The following BMAL2 variants were observed in gnomAD, a reference collection of about 807,000 sequenced individuals.
BMAL2 encodes the protein basic helix-loop-helix ARNT like 2.
chr12:27,398,797 C>T, the BMAL2 span, among the ~76,000 whole-genome samples: 53 of 152,302 alleles, frequency 3.5e-4, no homozygotes, highest in African/African-American at 1.2e-3. Context: ...TCTATATTTT[C>T]AGTAGAGTGG....
chr12:27,368,313 G>T, the BMAL2 span: 1 of 1,614,082 alleles, frequency 6.2e-7, no homozygotes, highest in Non-Finnish European at 8.5e-7. Context: ...GTTTCCAGCC[G>T]CGTGAGTCCA....
At chr12:27,350,586 G>A in the BMAL2 span, among the ~76,000 whole-genome samples, 2 of 152,224 alleles carry the variant, frequency 1.3e-5, no homozygotes, top group Admixed American at 6.5e-5. Context: ...AACAAGAAGG[G>A]CTGTGTACAT....
At chr12:27,359,518 A>T in the BMAL2 span, among the ~76,000 whole-genome samples, 18 of 151,692 alleles carry the variant, frequency 1.2e-4, no homozygotes, top group Non-Finnish European at 1.8e-4. Flanking sequence ...CCTTACAGAA[A>T]TTTTTTTTAA....
At chr12:27,417,170 C>G in the BMAL2 span, among the ~76,000 whole-genome samples, 1 of 152,144 alleles carries the variant, frequency 6.6e-6, no homozygotes. Context: ...AGTATGTCAA[C>G]TTGAGACAAT....
chr12:27,373,396 C>A, the BMAL2 span, among the ~76,000 whole-genome samples: 1 of 152,116 alleles, frequency 6.6e-6, no homozygotes, highest in Non-Finnish European at 1.5e-5. Flanking sequence ...AACCTTCAAA[C>A]AGGAAGTTGG....
At chr12:27,337,393 C>T in the BMAL2 span, among the ~76,000 whole-genome samples, 1 of 150,708 alleles carries the variant, frequency 6.6e-6, no homozygotes, top group South Asian at 2.1e-4. Context: ...GAATCATCTA[C>T]TACCCTTCTT....
the BMAL2 span, chr12:27,424,437 T>C: frequency 6.6e-6 from 1 of 152,198 alleles, no homozygotes; most frequent in African/African-American, 2.4e-5. Context: ...AATTTAGAAA[T>C]CTATTGTGAA....
the BMAL2 span, among the ~76,000 whole-genome samples, chr12:27,352,218 C>T: frequency 6.6e-6 from 1 of 152,182 alleles, no homozygotes; most frequent in Non-Finnish European, 1.5e-5. Flanking sequence ...CATAATTTTT[C>T]AGATTGCCTT....
chr12:27,383,165 G>C, the BMAL2 span, among the ~76,000 whole-genome samples: 1 of 152,124 alleles, frequency 6.6e-6, no homozygotes, highest in Non-Finnish European at 1.5e-5. Flanking sequence ...TCCCTTTATA[G>C]CTATGTGACT....
chr12:27,413,325 A>T, the BMAL2 span, among the ~76,000 whole-genome samples: 1 of 152,218 alleles, frequency 6.6e-6, no homozygotes, highest in African/African-American at 2.4e-5. Flanking sequence ...AGCTACAATA[A>T]TTTGTTAATG....
the BMAL2 span, among the ~76,000 whole-genome samples, chr12:27,342,619 C>G: frequency 1.3e-5 from 2 of 152,162 alleles, no homozygotes; most frequent in African/African-American, 4.8e-5. Context: ...ACACAGTTTC[C>G]AGCTCTATCT....
the BMAL2 span, among the ~76,000 whole-genome samples, chr12:27,348,099 T>G: frequency 1.2e-4 from 18 of 152,262 alleles, no homozygotes; most frequent in South Asian, 3.7e-3. Flanking sequence ...TTTACCCCAA[T>G]CCAGATTAGT....
At chr12:27,368,134 C>T in the BMAL2 span, 1 of 1,128,066 alleles carries the variant, frequency 8.9e-7, no homozygotes, top group Non-Finnish European at 1.2e-6. Context: ...TGAGCCACAG[C>T]GCCTGGCCTT....
the BMAL2 span, among the ~76,000 whole-genome samples, chr12:27,372,302 A>G: frequency 2.6e-5 from 4 of 151,940 alleles, no homozygotes; most frequent in Non-Finnish European, 5.9e-5. Context: ...ACTTAGCATA[A>G]TGTCTTCAAG....
At chr12:27,411,127 T>A in the BMAL2 span, among the ~76,000 whole-genome samples, 9 of 152,172 alleles carry the variant, frequency 5.9e-5, no homozygotes, top group South Asian at 1.9e-3. Context: ...AGTTATTGTG[T>A]TTTTTTAAAT....
chr12:27,400,256 G>C, the BMAL2 span, among the ~76,000 whole-genome samples: 1 of 152,098 alleles, frequency 6.6e-6, no homozygotes, highest in African/African-American at 2.4e-5. Context: ...AATATGTTAA[G>C]TCATAGACCT....
the BMAL2 span, among the ~76,000 whole-genome samples, chr12:27,396,243 C>T: frequency 6.6e-6 from 1 of 152,164 alleles, no homozygotes; most frequent in African/African-American, 2.4e-5. Flanking sequence ...TCATGCAGTG[C>T]TTGGCTTCTA....
At chr12:27,392,086 G>A in the BMAL2 span, among the ~76,000 whole-genome samples, 1 of 152,140 alleles carries the variant, frequency 6.6e-6, no homozygotes, top group Admixed American at 6.5e-5. Flanking sequence ...GGACTCTGTG[G>A]TTTAGCACAG....
chr12:27,417,784 G>A, the BMAL2 span, among the ~76,000 whole-genome samples: 1 of 151,834 alleles, frequency 6.6e-6, no homozygotes, highest in African/African-American at 2.4e-5. Flanking sequence ...ATGAGGTCAG[G>A]AGATCGAGAC....
Sources: allele counts gnomAD v4.1 joint callset (sites outside exome capture counted in the v4.1 genomes callset), GRCh38; gene constraint gnomAD v4.1.1; transcripts MANE v1.5; gene names NCBI Gene and HGNC (gene_info 2026-07-23, HGNC 2026-07-21).